The following MPDZ variants were observed in gnomAD, a reference collection of about 807,000 sequenced individuals.
MPDZ encodes multiple PDZ domain crumbs cell polarity complex component, also known as multiple PDZ domain protein.
In MPDZ, 234 loss-of-function variants were observed where a neutral mutation model predicts 239.1. That is an observed-to-expected ratio of 0.98 (90% CI 0.88 to 1.09). The LOEUF is 1.09. MPDZ is among the 50% of genes least tolerant of loss of function. MPDZ has a pLI of 0.00. For missense variants in MPDZ, 3,175 were observed against 2,510.0 expected (o/e 1.26, Z -5.66); for synonymous variants, 1,048 against 881.3 (o/e 1.19, Z -3.35).
At chr9:13,183,350 AG>A (rs1317798399) in intron 19 of MPDZ, 67 bp downstream of exon 19, 1 of 1,287,518 alleles carries the variant, frequency 7.8e-7, no homozygotes, top group Non-Finnish European at 1.1e-6. Context: ...ACTCCCCATA[AG>A]GACTGAGCTC....
intron 5 of MPDZ, 119 bp from the exon 6 acceptor site, chr9:13,222,565 CT>C: frequency 1.3e-6 from 1 of 785,352 alleles, no homozygotes; most frequent in Non-Finnish European, 2.1e-6. Flanking sequence ...ACACTCTAAG[CT>C]TTTTCCTGCA....
intron 30 of MPDZ, 142 bp from the exon 31 acceptor site, chr9:13,136,324 T>TA: frequency 1.0e-4 from 41 of 401,016 alleles, no homozygotes; most frequent in Middle Eastern, 6.7e-4. Context: ...ACAAACGTTT[T>TA]CTTTTTTTTT....
chr9:13,108,485 A>G (rs2130977585), intron 46 of MPDZ, among the ~76,000 whole-genome samples: 1 of 152,232 alleles, frequency 6.6e-6, no homozygotes, highest in Non-Finnish European at 1.5e-5. Context: ...CAATGAAATT[A>G]AATTTATAAA....
chr9:13,274,471 C>T (rs1588269993), intron 1 of MPDZ: 1 of 151,876 alleles, frequency 6.6e-6, no homozygotes, highest in African/African-American at 2.4e-5. Flanking sequence ...ACAAATTTAA[C>T]CACCACAGGC....
chr9:13,171,390 G>A (rs746337196), intron 21 of MPDZ, among the ~76,000 whole-genome samples: 3 of 152,044 alleles, frequency 2.0e-5, no homozygotes, highest in Non-Finnish European at 4.4e-5. Flanking sequence ...TGTATTGTAC[G>A]GTCTATGTGA....
intron 1 of MPDZ, among the ~76,000 whole-genome samples, chr9:13,255,745 G>C (rs1018461367): frequency 2.0e-5 from 3 of 152,160 alleles, no homozygotes; most frequent in Non-Finnish European, 4.4e-5. Context: ...ATAAACCGAT[G>C]TGCTGTTATC....
chr9:13,248,775 C>A (rs2137868049), intron 2 of MPDZ, among the ~76,000 whole-genome samples: 1 of 150,818 alleles, frequency 6.6e-6, no homozygotes, highest in East Asian at 2.0e-4. Flanking sequence ...TGAGACCAGC[C>A]TGGCCAACAT....
At chr9:13,123,745 C>T (rs1025687971) in intron 35 of MPDZ, among the ~76,000 whole-genome samples, 1 of 152,104 alleles carries the variant, frequency 6.6e-6, no homozygotes, top group African/African-American at 2.4e-5. Context: ...CAGGGAATAC[C>T]ACAAAACATA....
chr9:13,142,228 GAACAAACA>G (rs753476262), intron 27 of MPDZ, among the ~76,000 whole-genome samples: 6 of 151,880 alleles, frequency 4.0e-5, no homozygotes, highest in African/African-American at 7.3e-5. Context: ...GTTATTTTAA[GAACAAACA>G]AACAAACAAA....
Position 13,110,020 on chromosome 9 carries a change from C to G in MPDZ, c.5874G>C (p.Gln1958His). 2.5e-6 allele frequency: 4 copies of G among 1,613,414 alleles called. No homozygotes were observed. Among genetic ancestry groups the G allele is most frequent in the Non-Finnish European group, 3.4e-6 (4 of 1,179,726 alleles). The change falls in exon 45 of 47, where the codon CAG (glutamine) becomes CAC (histidine). Residue 1958 changes from glutamine (Q) to histidine (H), a missense_variant. Coordinates refer to ENST00000319217, the MANE Select transcript of MPDZ (RefSeq NM_001378778.1). ...AAGAAAGACTGGAACTTGCAGGCTC[C>G]TGCTGATGACCTGTGACCACACTCA... ...GDVSVVTGHQ[Q>H]EPASSSLSFT...
In MPDZ at chr9:13,149,243, C is replaced by T. The variant is rs572159385; in HGVS notation, c.3630+1268G>A. Among the ~76,000 whole-genome samples, 10 of 151,906 alleles carry T rather than the reference C, an allele frequency of 6.6e-5. No individual in the cohort carries two copies. The East Asian group carries it at 1.4e-3, about 21-fold the overall frequency. On this transcript the variant is annotated intron_variant, in intron 25 of 46. Coordinates refer to ENST00000319217, the MANE Select transcript of MPDZ (RefSeq NM_001378778.1). ...TTTCGCTCAGGTCCCAATCTTCTTCCGTCTAAGGCTCTCAAAGACAGCCAG... is the reference window on the plus strand; with the variant it reads ...TTTCGCTCAGGTCCCAATCTTCTTCTGTCTAAGGCTCTCAAAGACAGCCAG...
chr9:13,205,145 T>C lies in MPDZ; in HGVS notation c.1475-38A>G, dbSNP rs1326386679. On this transcript the variant is annotated intron_variant, in intron 11 of 46. Transcript: ENST00000319217. ...AATATTTTAGTAATTTTATCTTTAG[T>C]ATAATCAAGTACTTGAATTTTTCTA... 1.3e-5 allele frequency: 14 copies of C among 1,107,016 alleles called. No individual in the cohort carries two copies. In the East Asian group the frequency reaches 4.1e-4, roughly 32 times the overall value. 68.6% of individuals were successfully genotyped at this position (1,107,016 alleles called of 1,614,324 possible).
At chr9:13,151,718 G>A (rs1408717414) in intron 24 of MPDZ, among the ~76,000 whole-genome samples, 1 of 152,016 alleles carries the variant, frequency 6.6e-6, no homozygotes, top group African/African-American at 2.4e-5. Context: ...GCTAGACGGT[G>A]GTGGTGACTG....
intron 46 of MPDZ, among the ~76,000 whole-genome samples, chr9:13,107,903 A>C (rs1361012978): frequency 1.3e-5 from 2 of 152,168 alleles, no homozygotes; most frequent in African/African-American, 4.8e-5. Flanking sequence ...CCTTAAATAA[A>C]TTGTTCCTAG....
At chr9:13,143,348 G>GT (rs1046164311) in intron 27 of MPDZ, 118 bp downstream of exon 27, 2,546 of 741,442 alleles carry the variant, frequency 3.4e-3, no homozygotes, top group South Asian at 4.4e-3. Flanking sequence ...TTGTTTTTTT[G>GT]TTTTTTTTTC....
At chr9:13,177,742 T>TA (rs1952690652) in intron 19 of MPDZ, among the ~76,000 whole-genome samples, 1 of 152,132 alleles carries the variant, frequency 6.6e-6, no homozygotes, top group African/African-American at 2.4e-5. Context: ...ACAAGTTACT[T>TA]AAACACTATG....
At chr9:13,270,403 C>T (rs943343625) in intron 1 of MPDZ, among the ~76,000 whole-genome samples, 1 of 152,066 alleles carries the variant, frequency 6.6e-6, no homozygotes, top group African/African-American at 2.4e-5. Flanking sequence ...TTCATCTGAC[C>T]TTATAGCTTA....
In MPDZ at chr9:13,157,959, T is replaced by C. The variant is rs765348736; in HGVS notation, c.3452+59A>G. 1.2e-5 allele frequency: 18 copies of C among 1,443,490 alleles called. No homozygotes were observed. The South Asian group carries it at 1.5e-4, about 12-fold the overall frequency. 89.4% of individuals were successfully genotyped at this position (1,443,490 alleles called of 1,614,324 possible). A position where few individuals can be genotyped will look rare whatever the true frequency, so the allele number is the denominator to read the frequency against. ...GTAATCCAGTACTTGAAACCACACC[T>C]GCTTATCTTTAAACACTATATATCC... On this transcript the variant is annotated intron_variant, in intron 24 of 46. Transcript: ENST00000319217.
Position 13,143,553 on chromosome 9 carries a change from C to T in MPDZ, c.3753G>A (p.Leu1251=). 1 of 1,612,510 alleles carries T rather than the reference C, an allele frequency of 6.2e-7. No homozygotes were observed. Among genetic ancestry groups the T allele is most frequent in the Non-Finnish European group, 8.5e-7 (1 of 1,178,854 alleles). ...SIINRPRKSP[L]PSLLHNLYPK... is the part of the protein sequence containing the mutation. ...GGTAAAGGTTGTGCAGCAAGGAAGG[C>T]AAAGGGGATTTCTAAAAGGAAACAT... The change falls in exon 27 of 47, where the codon TTG becomes TTA. Residue 1251 remains leucine, a synonymous_variant. Coordinates refer to ENST00000319217, the MANE Select transcript of MPDZ (RefSeq NM_001378778.1).
Sources: allele counts gnomAD v4.1 joint callset (sites outside exome capture counted in the v4.1 genomes callset), GRCh38; gene constraint gnomAD v4.1.1; transcripts MANE v1.5; gene names NCBI Gene and HGNC (gene_info 2026-07-23, HGNC 2026-07-21).